The following AUTS2 variants were observed in gnomAD, a reference collection of about 807,000 sequenced individuals.
AUTS2 encodes autism susceptibility gene 2 protein.
AUTS2 carries 17 observed loss-of-function variants against 112.4 expected under a neutral mutation model. That is an observed-to-expected ratio of 0.15 (90% confidence interval 0.10 to 0.23). The LOEUF is 0.23. Among genes scored for constraint, AUTS2 ranks in the 10% least tolerant of loss-of-function variants. The pLI, the probability that AUTS2 is intolerant of heterozygous loss-of-function variation, is 1.00. For missense variants in AUTS2, 1,510 were observed against 1,701.6 expected, an observed-to-expected ratio of 0.89 and a Z score of 1.98; for synonymous variants, 751 against 702.7, an observed-to-expected ratio of 1.07 and a Z score of -1.09.
intron 2 of AUTS2, among the ~76,000 whole-genome samples, chr7:69,918,212 T>G (rs571568550): frequency 1.3e-5 from 2 of 152,206 alleles, no homozygotes; most frequent in East Asian, 3.9e-4. Context: ...GAAAGGAAAA[T>G]GAATTTTAGA....
chr7:70,696,074 A>G (rs796796977), intron 5 of AUTS2, among the ~76,000 whole-genome samples: 11 of 152,334 alleles, frequency 7.2e-5, no homozygotes, highest in African/African-American at 2.6e-4. Flanking sequence ...GGAAATGCAG[A>G]CTATTTTCTG....
intron 5 of AUTS2, among the ~76,000 whole-genome samples, chr7:70,476,029 T>C (rs578018150): frequency 5.5e-4 from 84 of 152,166 alleles, no homozygotes; most frequent in African/African-American, 1.9e-3. Context: ...ACTGTGTCTC[T>C]TTGAAAGAAA....
chr7:70,632,194 A>T (rs924209630), intron 5 of AUTS2, among the ~76,000 whole-genome samples: 3 of 152,086 alleles, frequency 2.0e-5, no homozygotes. Context: ...ATGTAGACTC[A>T]TACTTGAAAG....
chr7:70,010,863 G>A (rs1799771674), intron 2 of AUTS2, among the ~76,000 whole-genome samples: 1 of 152,094 alleles, frequency 6.6e-6, no homozygotes, highest in African/African-American at 2.4e-5. Flanking sequence ...GGACATCTGT[G>A]GATTCTGGAT....
chr7:70,420,183 T>C (rs1281989397), intron 4 of AUTS2, among the ~76,000 whole-genome samples: 1 of 152,216 alleles, frequency 6.6e-6, no homozygotes, highest in Non-Finnish European at 1.5e-5. Flanking sequence ...TTAGTGGGAC[T>C]CTTCACATTC....
intron 4 of AUTS2, among the ~76,000 whole-genome samples, chr7:70,321,058 C>G (rs1027339912): frequency 6.6e-6 from 1 of 152,214 alleles, no homozygotes; most frequent in African/African-American, 2.4e-5. Context: ...AAATGAATGA[C>G]TGCTTACCAA....
intron 2 of AUTS2, among the ~76,000 whole-genome samples, chr7:70,089,829 C>T (rs748288908): frequency 1.1e-4 from 16 of 151,452 alleles, no homozygotes; most frequent in Admixed American, 4.6e-4. Flanking sequence ...TCCAACATGG[C>T]GAAACCCCGT....
At chr7:70,151,330 A>G (rs1237524447) in intron 4 of AUTS2, among the ~76,000 whole-genome samples, 1 of 152,176 alleles carries the variant, frequency 6.6e-6, no homozygotes, top group Admixed American at 6.6e-5. Flanking sequence ...ACCCATAGCC[A>G]GGAACAGTGC....
chr7:70,135,197 A>G (rs571933188), intron 4 of AUTS2, among the ~76,000 whole-genome samples: 1 of 152,218 alleles, frequency 6.6e-6, no homozygotes, highest in Non-Finnish European at 1.5e-5. Flanking sequence ...TGTGATAATC[A>G]TGAATATAAA....
intron 6 of AUTS2, among the ~76,000 whole-genome samples, chr7:70,737,533 G>A (rs1156757724): frequency 6.6e-6 from 1 of 152,198 alleles, no homozygotes; most frequent in Non-Finnish European, 1.5e-5. Context: ...ATTTTAGGAG[G>A]AAGAGACTAT....
intron 1 of AUTS2, among the ~76,000 whole-genome samples, chr7:69,898,210 A>C (rs1007179862): frequency 5.3e-5 from 8 of 152,152 alleles, no homozygotes; most frequent in African/African-American, 1.9e-4. Flanking sequence ...AGAAATGAAA[A>C]AATTTTTAAA....
At chr7:69,601,796 T>C (rs945000542) in intron 1 of AUTS2, among the ~76,000 whole-genome samples, 1 of 152,116 alleles carries the variant, frequency 6.6e-6, no homozygotes, top group Non-Finnish European at 1.5e-5. Context: ...TGTCTCTCTC[T>C]CTTGTTTTAA....
At chr7:70,092,108 T>C (rs1178021338) in intron 2 of AUTS2, among the ~76,000 whole-genome samples, 2 of 62,982 alleles carry the variant, frequency 3.2e-5, no homozygotes, top group African/African-American at 1.7e-4. Flanking sequence ...AGTATTTTAA[T>C]ACTCCTAAGA....
At chr7:70,217,767 A>T (rs1311202913) in intron 4 of AUTS2, among the ~76,000 whole-genome samples, 2 of 152,206 alleles carry the variant, frequency 1.3e-5, no homozygotes, top group Non-Finnish European at 2.9e-5. Flanking sequence ...TCCTGATCCC[A>T]GGTTGCAGCT....
intron 2 of AUTS2, among the ~76,000 whole-genome samples, chr7:69,997,215 G>C (rs1798986597): frequency 6.6e-6 from 1 of 152,190 alleles, no homozygotes; most frequent in Non-Finnish European, 1.5e-5. Flanking sequence ...AGAAATTATA[G>C]AGGCTTGGAG....
chr7:69,860,631 T>C (rs990902041), intron 1 of AUTS2, among the ~76,000 whole-genome samples: 4 of 152,098 alleles, frequency 2.6e-5, no homozygotes, highest in Non-Finnish European at 5.9e-5. Flanking sequence ...GATTCAATTG[T>C]AAAGAGCTAT....
intron 1 of AUTS2, among the ~76,000 whole-genome samples, chr7:69,729,743 A>C (rs1356844917): frequency 6.6e-6 from 1 of 151,840 alleles, no homozygotes; most frequent in African/African-American, 2.4e-5. Context: ...TTTTTTCCTT[A>C]TCTGTGTACA....
chr7:69,803,372 C>A (rs1389238263), intron 1 of AUTS2, among the ~76,000 whole-genome samples: 1 of 152,076 alleles, frequency 6.6e-6, no homozygotes, highest in Non-Finnish European at 1.5e-5. Context: ...ATCTAGAAGC[C>A]ACCGATGCCC....
chr7:70,627,084 C>G (rs1379270912), intron 5 of AUTS2, among the ~76,000 whole-genome samples: 1 of 152,190 alleles, frequency 6.6e-6, no homozygotes, highest in Non-Finnish European at 1.5e-5. Context: ...CTTTGAAAAA[C>G]CTGCAAACTG....
Sources: allele counts gnomAD v4.1 joint callset (sites outside exome capture counted in the v4.1 genomes callset), GRCh38; gene constraint gnomAD v4.1.1; transcripts MANE v1.5; gene names NCBI Gene and HGNC (gene_info 2026-07-23, HGNC 2026-07-21).